Variants in RARB observed in about 807,000 individuals in gnomAD.
RARB encodes the protein HBV-activated protein.
In RARB, 17 loss-of-function variants were observed where a neutral mutation model predicts 51.9. That is an observed-to-expected ratio of 0.33 (90% CI 0.22 to 0.49). The LOEUF (loss-of-function observed/expected upper bound fraction) is 0.49, where lower values mean the gene tolerates loss of function less well. Among genes scored for constraint, RARB ranks in the 20% least tolerant of loss-of-function variants. RARB has a pLI of 0.99. For missense variants in RARB, 369 were observed against 550.8 expected (o/e 0.67, Z 3.30); for synonymous variants, 215 against 195.4 (o/e 1.10, Z -0.84).
At chr3:25,560,061 T>C (rs540457689) in intron 3 of RARB, among the ~76,000 whole-genome samples, 47 of 152,338 alleles carry the variant, frequency 3.1e-4, no homozygotes, top group African/African-American at 1.1e-3. Context: ...TATCCAACAG[T>C]GGGCTAGCAT....
chr3:25,111,313 A>T (rs9838886), intron 3 of RARB, among the ~76,000 whole-genome samples: 49 of 152,300 alleles, frequency 3.2e-4, no homozygotes, highest in African/African-American at 1.1e-3. Context: ...AATTACCAGC[A>T]GCTATTCTTA....
intron 3 of RARB, among the ~76,000 whole-genome samples, chr3:25,512,965 T>C (rs1697969212): frequency 6.6e-6 from 1 of 152,052 alleles, no homozygotes; most frequent in Non-Finnish European, 1.5e-5. Flanking sequence ...TAGTGCCTTG[T>C]ACTTAATAGA....
chr3:25,421,231 T>G (rs1429015372), intron 5 of RARB, among the ~76,000 whole-genome samples: 1 of 151,914 alleles, frequency 6.6e-6, no homozygotes, highest in Admixed American at 6.6e-5. Context: ...CCTAATTACA[T>G]ATTTGCAGCC....
intron 5 of RARB, among the ~76,000 whole-genome samples, chr3:25,235,661 TATC>T (rs1702285311): frequency 6.6e-6 from 1 of 152,190 alleles, no homozygotes; most frequent in Admixed American, 6.6e-5. Context: ...GCTTTTCTAT[TATC>T]TATTACAGCT....
intron 4 of RARB, among the ~76,000 whole-genome samples, chr3:25,155,552 C>T (rs770150445): frequency 6.6e-6 from 1 of 152,202 alleles, no homozygotes; most frequent in Non-Finnish European, 1.5e-5. Context: ...TACTCTAACT[C>T]ACTAATATCA....
chr3:24,948,512 C>T (rs1695821819), intron 2 of RARB, among the ~76,000 whole-genome samples: 1 of 152,138 alleles, frequency 6.6e-6, no homozygotes, highest in African/African-American at 2.4e-5. Flanking sequence ...TCTATTCATC[C>T]AGACTGAAAG....
At chr3:24,938,026 A>G (rs949356497) in intron 2 of RARB, among the ~76,000 whole-genome samples, 12 of 125,014 alleles carry the variant, frequency 9.6e-5, no homozygotes, top group African/African-American at 3.3e-4. Flanking sequence ...TGGAATGTGT[A>G]CCCCTATGCA....
chr3:24,894,437 A>G (rs978170749), intron 2 of RARB, among the ~76,000 whole-genome samples: 5 of 152,114 alleles, frequency 3.3e-5, no homozygotes, highest in Non-Finnish European at 7.3e-5. Flanking sequence ...GCTACAAAGG[A>G]CATGATTTTA....
intron 4 of RARB, among the ~76,000 whole-genome samples, chr3:25,151,222 G>A (rs1700281700): frequency 6.6e-6 from 1 of 152,182 alleles, no homozygotes; most frequent in East Asian, 1.9e-4. Context: ...GGAGCCTCCT[G>A]GAAATGGTTA....
chr3:25,121,091 G>A lies in RARB; in HGVS notation c.-327-11070G>A, dbSNP rs1699777045. 3.3e-5 allele frequency among the ~76,000 whole-genome samples: 5 copies of A among 152,174 alleles called. 1 individual carries two copies. The highest frequency in any genetic ancestry group is 2.0e-4 in the Admixed American group (3 of 15,268). ...TTGAATTCACATGCATGTGTATAAAGTGGTGGGAAAGCCTGAAGAAGGGGA... is the reference window on the plus strand; with the variant it reads ...TTGAATTCACATGCATGTGTATAAAATGGTGGGAAAGCCTGAAGAAGGGGA... On this transcript the variant is annotated intron_variant, in intron 3 of 11. Transcript: ENST00000383772.
At chr3:25,434,920 A>T (rs549728387) in intron 1 of RARB, among the ~76,000 whole-genome samples, 3 of 152,088 alleles carry the variant, frequency 2.0e-5, no homozygotes, top group African/African-American at 7.2e-5. Context: ...TTCATTTGCT[A>T]CCAGCCCTGA....
chr3:25,309,932 A>C (rs551771772), intron 5 of RARB, among the ~76,000 whole-genome samples: 1 of 152,326 alleles, frequency 6.6e-6, no homozygotes, highest in East Asian at 1.9e-4. Context: ...AGAAAACTAA[A>C]GGCACTGAAA....
chr3:25,491,940 CAA>C (rs58891196), intron 2 of RARB, among the ~76,000 whole-genome samples: 78,504 of 143,244 alleles, frequency 0.55, 22,361 homozygotes, highest in African/African-American at 0.77. Flanking sequence ...GACTCTGTCT[CAA>C]AAAAAAAAAA....
At chr3:24,962,594 C>A (rs562286626) in intron 2 of RARB, among the ~76,000 whole-genome samples, 1 of 152,322 alleles carries the variant, frequency 6.6e-6, no homozygotes, top group South Asian at 2.1e-4. Context: ...ACTGCCTGAG[C>A]TCCACCTCCT....
chr3:25,312,955 AC>A (rs1286969035), intron 5 of RARB, among the ~76,000 whole-genome samples: 1 of 152,126 alleles, frequency 6.6e-6, no homozygotes, highest in Non-Finnish European at 1.5e-5. Flanking sequence ...TCTGTATCAC[AC>A]CCTGGATTCT....
chr3:25,184,966 C>T (rs184580365), intron 5 of RARB, among the ~76,000 whole-genome samples: 1 of 152,262 alleles, frequency 6.6e-6, no homozygotes, highest in East Asian at 1.9e-4. Context: ...TGCTTTGCGG[C>T]CACAATTCAT....
rs184906049 is a variant in RARB, at chr3:25,320,250, T to C, written c.179-140943T>C. On this transcript the variant is annotated intron_variant, in intron 5 of 11. Transcript: ENST00000383772. ...TTTTCAGAAAGAATATTAGGGCATT[T>C]TCTTTTTTTCCTTACACCTTCATTA... is the stretch of plus-strand genomic sequence containing the variant. Among the ~76,000 whole-genome samples the C allele has an allele frequency of 2.0e-5, 3 of 152,304 alleles. No individual in the cohort carries two copies. The East Asian group carries it at 5.8e-4, about 29-fold the overall frequency.
Position 25,166,963 on chromosome 3 carries a change from C to G in RARB, c.-279-7156C>G, listed in dbSNP as rs540606690. ...TTGTAGAAGACATTTGACACATCCC[C>G]ATGGCATGTCCATAATGGCAGGTCA... On this transcript the variant is annotated intron_variant, in intron 4 of 11. Transcript: ENST00000383772. Among the ~76,000 whole-genome samples the G allele has an allele frequency of 2.6e-5, 4 of 152,322 alleles. No homozygotes were observed. In the East Asian group the frequency reaches 7.7e-4, roughly 29 times the overall value.
At chr3:24,937,078 T>G (rs920100245) in intron 2 of RARB, among the ~76,000 whole-genome samples, 2 of 152,212 alleles carry the variant, frequency 1.3e-5, no homozygotes, top group African/African-American at 4.8e-5. Context: ...TTCATCTTTT[T>G]GTGTAATTTA....
Sources: allele counts gnomAD v4.1 joint callset (sites outside exome capture counted in the v4.1 genomes callset), GRCh38; gene constraint gnomAD v4.1.1; transcripts MANE v1.5; gene names NCBI Gene and HGNC (gene_info 2026-07-23, HGNC 2026-07-21).